Variants in ITPR2 observed in about 807,000 individuals in gnomAD.
The protein encoded by ITPR2 is inositol 1,4,5-trisphosphate-gated calcium channel ITPR2.
Under a neutral mutation model 317.1 loss-of-function variants are expected in ITPR2, and 207 were observed. The ratio of observed to expected loss-of-function variants is 0.65; its 90% CI spans 0.58 to 0.73. ITPR2 has a LOEUF of 0.73. ITPR2 is among the 30% of genes least tolerant of loss of function. The pLI, the probability that ITPR2 is intolerant of heterozygous loss-of-function variation, is 0.00. For synonymous variants in ITPR2, 1,156 were observed against 1,149.1 expected (o/e 1.01, Z -0.12); for missense variants, 2,613 against 3,284.0 (o/e 0.80, Z 4.99).
intron 26 of ITPR2, among the ~76,000 whole-genome samples, chr12:26,611,893 G>A (rs1041345672): frequency 2.6e-5 from 4 of 152,212 alleles, no homozygotes; most frequent in Non-Finnish European, 4.4e-5. Flanking sequence ...TAATGCTACT[G>A]ATATTGTCAA....
intron 37 of ITPR2, among the ~76,000 whole-genome samples, chr12:26,521,251 C>T (rs1369576904): frequency 2.6e-5 from 4 of 152,060 alleles, no homozygotes; most frequent in African/African-American, 4.8e-5. Context: ...AACTGAAGTT[C>T]AGAAAACCAT....
rs140732351 is a variant in ITPR2 at position 26,578,174 on chromosome 12, T to TTCTCTCTC, written c.4630+531_4630+538dup. Among the ~76,000 whole-genome samples, 891 of 147,218 alleles carry TTCTCTCTC rather than the reference T, an allele frequency of 6.1e-3. 8 individuals carry two copies. The highest frequency in any genetic ancestry group is 0.021 in the African/African-American group (863 of 40,664). On this transcript the variant is annotated intron_variant, in intron 34 of 56. Transcript: ENST00000381340. ...AATGGCCCTAATTAACTTATTAACT[T>TTCTCTCTC]TCTCTCTCTCTCTCTCTCTCGACAC...
intron 13 of ITPR2, among the ~76,000 whole-genome samples, chr12:26,678,477 CT>C (rs1947962453): frequency 6.6e-6 from 1 of 152,030 alleles, no homozygotes; most frequent in Non-Finnish European, 1.5e-5. Context: ...ATAATAATCA[CT>C]TCATTTTCCA....
intron 11 of ITPR2, 141 bp from the exon 12 acceptor site, chr12:26,682,814 G>A (rs983697382): frequency 5.0e-6 from 3 of 595,756 alleles, no homozygotes; most frequent in African/African-American, 1.9e-5. Flanking sequence ...GCTTTAAGGG[G>A]AAATTCGGAA....
At chr12:26,631,699 G>A (rs1305591985) in intron 22 of ITPR2, among the ~76,000 whole-genome samples, 167 bp downstream of exon 22, 1 of 152,012 alleles carries the variant, frequency 6.6e-6, no homozygotes, top group Non-Finnish European at 1.5e-5. Context: ...ATGTTAAATA[G>A]CGTCTGTGTG....
chr12:26,668,697 A>C (rs1484455291), intron 13 of ITPR2, among the ~76,000 whole-genome samples: 2 of 152,222 alleles, frequency 1.3e-5, no homozygotes, highest in Non-Finnish European at 2.9e-5. Context: ...GTTTCAAAAT[A>C]AGTTTTAAAT....
intron 48 of ITPR2, 21 bp from the exon 49 acceptor site, chr12:26,428,109 T>C: frequency 1.3e-6 from 2 of 1,554,364 alleles, no homozygotes; most frequent in South Asian, 2.5e-5. Flanking sequence ...TGGAAGAAAT[T>C]TATTGCTACT....
rs751362963 is a variant in ITPR2, at chr12:26,599,226, C to T, written c.3921G>A (p.Val1307=). 2.5e-6 allele frequency: 4 copies of T among 1,613,912 alleles called. No individual in the cohort carries two copies. The South Asian group carries it at 4.4e-5, about 18-fold the overall frequency. The part of the protein sequence containing the change: ...VHCIETHGRH[V]EYLRFLQTIV... ...TTGTTTGCAAAAACCTCAGGTACTC[C>T]ACGTGGCGGCCATGTGTCTCAATGC... Residue 1307 remains valine (V), a synonymous_variant, in exon 30 of 57, where the codon GTG becomes GTA. Coordinates refer to ENST00000381340, the MANE Select transcript of ITPR2 (RefSeq NM_002223.4).
intron 55 of ITPR2, among the ~76,000 whole-genome samples, chr12:26,360,110 G>A (rs1410235075): frequency 6.6e-6 from 1 of 152,130 alleles, no homozygotes; most frequent in Admixed American, 6.5e-5. Flanking sequence ...GGCATTCTGT[G>A]GTCAGGTTTC....
chr12:26,553,040 T>C (rs1285129353), intron 36 of ITPR2, among the ~76,000 whole-genome samples: 1 of 152,140 alleles, frequency 6.6e-6, no homozygotes, highest in South Asian at 2.1e-4. Flanking sequence ...AGTAAAGAAG[T>C]ACCTGTGTGG....
chr12:26,810,265 C>T (rs1181297561), intron 1 of ITPR2, among the ~76,000 whole-genome samples: 1 of 152,166 alleles, frequency 6.6e-6, no homozygotes, highest in Non-Finnish European at 1.5e-5. Context: ...ATAGTTCCTA[C>T]AGTGAATGGT....
At chr12:26,496,214 C>G (rs955033576) in intron 37 of ITPR2, among the ~76,000 whole-genome samples, 1 of 152,056 alleles carries the variant, frequency 6.6e-6, no homozygotes, top group South Asian at 2.1e-4. Flanking sequence ...AACTGTGGCC[C>G]AAGAGCTTAA....
intron 37 of ITPR2, among the ~76,000 whole-genome samples, chr12:26,508,284 T>C (rs1943243049): frequency 6.6e-6 from 1 of 152,206 alleles, no homozygotes. Flanking sequence ...AAAAAATAAG[T>C]ACACCTTTTA....
At chr12:26,583,768 A>G (rs1945457398) in intron 32 of ITPR2, among the ~76,000 whole-genome samples, 1 of 152,160 alleles carries the variant, frequency 6.6e-6, no homozygotes, top group South Asian at 2.1e-4. Context: ...AATCTCTAAT[A>G]TACTCCATGG....
At chr12:26,744,129 C>A (rs1949280022) in intron 2 of ITPR2, among the ~76,000 whole-genome samples, 1 of 152,174 alleles carries the variant, frequency 6.6e-6, no homozygotes, top group Admixed American at 6.5e-5. Flanking sequence ...AGTCAGGGCC[C>A]AACAGCCTCT....
At chr12:26,418,191 G>A (rs1940782800) in intron 50 of ITPR2, among the ~76,000 whole-genome samples, 1 of 152,166 alleles carries the variant, frequency 6.6e-6, no homozygotes, top group South Asian at 2.1e-4. Flanking sequence ...GGCAGGAGGT[G>A]CTGGATTTGT....
intron 37 of ITPR2, among the ~76,000 whole-genome samples, chr12:26,496,472 A>G (rs899960356): frequency 5.3e-5 from 8 of 152,114 alleles, no homozygotes; most frequent in Admixed American, 2.6e-4. Flanking sequence ...TTAGTTGCAC[A>G]ATCACTTCTG....
intron 2 of ITPR2, among the ~76,000 whole-genome samples, chr12:26,756,127 TC>T (rs1411455544): frequency 6.6e-6 from 1 of 152,190 alleles, no homozygotes; most frequent in Non-Finnish European, 1.5e-5. Flanking sequence ...ATAAAGCAAA[TC>T]AGTCTTACCA....
chr12:26,439,623 G>A (rs890645795), intron 46 of ITPR2, among the ~76,000 whole-genome samples: 1 of 152,104 alleles, frequency 6.6e-6, no homozygotes, highest in South Asian at 2.1e-4. Flanking sequence ...TTTTTGTGAA[G>A]TACATCCTAA....
Sources: gnomAD v4.1 joint callset for allele counts (sites outside exome capture counted in the v4.1 genomes callset) on GRCh38, gnomAD v4.1.1 for gene constraint, MANE v1.5 for transcripts, NCBI Gene and HGNC (gene_info 2026-07-23, HGNC 2026-07-21) for gene names.